MACROD2: variants seen among roughly 807,000 people sequenced by gnomAD.
MACROD2 encodes ADP-ribose glycohydrolase MACROD2.
Under a neutral mutation model 70.4 loss-of-function variants are expected in MACROD2, and 36 were observed. That is an observed-to-expected ratio of 0.51 (90% CI 0.39 to 0.68). The LOEUF is 0.68. MACROD2 is among the 30% of genes least tolerant of loss of function. The pLI is 0.00. For synonymous variants in MACROD2, 172 were observed against 178.8 expected (o/e 0.96, Z 0.30); for missense variants, 496 against 538.4 (o/e 0.92, Z 0.78).
chr20:14,711,977 T>G (rs1478154466), intron 5 of MACROD2, among the ~76,000 whole-genome samples: 1 of 152,142 alleles, frequency 6.6e-6, no homozygotes, highest in African/African-American at 2.4e-5. Flanking sequence ...GAACACTCAC[T>G]TTTTCACATC....
chr20:15,682,233 A>G (rs953311068), intron 8 of MACROD2, among the ~76,000 whole-genome samples: 2 of 152,250 alleles, frequency 1.3e-5, no homozygotes, highest in Non-Finnish European at 2.9e-5. Flanking sequence ...ACGTAAAAGT[A>G]GGAACCCACA....
In MACROD2 at chr20:15,345,824, T is replaced by C. The variant is rs551755970; in HGVS notation, c.541-85581T>C. Among the ~76,000 whole-genome samples, 3 of 152,308 alleles carry C rather than the reference T, an allele frequency of 2.0e-5. No homozygotes were observed. In the East Asian group the frequency reaches 5.8e-4, roughly 29 times the overall value. ...GAGACTGCTGCTTTTGAAAAGTTGC[T>C]GCTCAGAAGACAGTGCAATGGACCA... On this transcript the variant is annotated intron_variant, in intron 6 of 17. Transcript: ENST00000684519.
intron 10 of MACROD2, among the ~76,000 whole-genome samples, chr20:15,925,470 C>T (rs757115422): frequency 3.3e-5 from 5 of 152,030 alleles, no homozygotes; most frequent in East Asian, 3.9e-4. Context: ...ATGGGAGAAC[C>T]GTATGTTATT....
intron 10 of MACROD2, among the ~76,000 whole-genome samples, chr20:15,916,265 G>A (rs560093623): frequency 6.6e-6 from 1 of 152,272 alleles, no homozygotes; most frequent in Admixed American, 6.5e-5. Context: ...CTTGCCATGG[G>A]GGCTCTCTAT....
intron 5 of MACROD2, among the ~76,000 whole-genome samples, chr20:15,056,117 G>A (rs1367148126): frequency 6.6e-6 from 1 of 152,144 alleles, no homozygotes; most frequent in African/African-American, 2.4e-5. Flanking sequence ...CTACTTGACA[G>A]CTGCAAGACA....
Position 15,265,435 on chromosome 20 carries a change from C to A in MACROD2, c.540+35374C>A, listed in dbSNP as rs117694342. ...CACCTCGAATTCAGCCACATGTTTA[C>A]CCATGCTACTCTACCTAACCAATGA... On this transcript the variant is annotated intron_variant, in intron 6 of 17. Coordinates refer to ENST00000684519, the MANE Select transcript of MACROD2 (RefSeq NM_001351661.2). 2.8e-3 allele frequency among the ~76,000 whole-genome samples: 434 copies of A among 152,314 alleles called. 1 individual carries two copies. The highest frequency in any genetic ancestry group is 0.024 in the South Asian group (116 of 4,824).
chr20:15,770,896 C>A (rs144521072), intron 8 of MACROD2, among the ~76,000 whole-genome samples: 2 of 152,128 alleles, frequency 1.3e-5, no homozygotes, highest in African/African-American at 4.8e-5. Context: ...ACCTTCTTCT[C>A]GTGTCCAATC....
At chr20:15,713,924 C>T (rs1446839657) in intron 8 of MACROD2, among the ~76,000 whole-genome samples, 2 of 150,040 alleles carry the variant, frequency 1.3e-5, no homozygotes, top group Non-Finnish European at 1.5e-5. Context: ...AAGATCAAAG[C>T]GGAAGACAAA....
At chr20:14,984,609 A>G (rs2074832271) in intron 5 of MACROD2, among the ~76,000 whole-genome samples, 1 of 152,216 alleles carries the variant, frequency 6.6e-6, no homozygotes, top group Admixed American at 6.5e-5. Flanking sequence ...TGTCAATGGC[A>G]TCTAATAAAT....
intron 8 of MACROD2, among the ~76,000 whole-genome samples, chr20:15,859,743 T>A (rs895384072): frequency 6.8e-6 from 1 of 147,116 alleles, no homozygotes; most frequent in Non-Finnish European, 1.5e-5. Context: ...AGTGTTTCAC[T>A]GTCACCATCC....
chr20:14,910,930 A>C (rs959794830), intron 5 of MACROD2, among the ~76,000 whole-genome samples: 1 of 152,192 alleles, frequency 6.6e-6, no homozygotes, highest in South Asian at 2.1e-4. Flanking sequence ...AATCCAACCC[A>C]GTACACACAT....
At chr20:14,238,553 C>A (rs1396566320) in intron 3 of MACROD2, among the ~76,000 whole-genome samples, 1 of 152,140 alleles carries the variant, frequency 6.6e-6, no homozygotes, top group East Asian at 1.9e-4. Flanking sequence ...GAAGTCCTGG[C>A]CAGAACAGTC....
At chr20:16,048,784 A>G (rs775513324) in intron 17 of MACROD2, among the ~76,000 whole-genome samples, 2 of 150,918 alleles carry the variant, frequency 1.3e-5, no homozygotes, top group Non-Finnish European at 2.9e-5. Context: ...TATCCATCCT[A>G]TGGCCCCACA....
chr20:15,259,696 A>G (rs907447551), intron 6 of MACROD2, among the ~76,000 whole-genome samples: 2 of 152,066 alleles, frequency 1.3e-5, no homozygotes, highest in African/African-American at 2.4e-5. Flanking sequence ...ATTAAAACTG[A>G]GCAGAGCCTC....
At chr20:14,124,186 A>G (rs1009995333) in intron 3 of MACROD2, among the ~76,000 whole-genome samples, 5 of 152,164 alleles carry the variant, frequency 3.3e-5, no homozygotes, top group African/African-American at 1.2e-4. Context: ...AATGTGACCA[A>G]TATATAACAT....
intron 5 of MACROD2, among the ~76,000 whole-genome samples, chr20:15,206,162 G>A (rs927269930): frequency 1.3e-5 from 2 of 151,994 alleles, no homozygotes; most frequent in East Asian, 1.9e-4. Flanking sequence ...TTCAAACTAC[G>A]TGGTTTAGGT....
At chr20:15,126,111 C>CTTTTTTTTTTTTTT (rs5840654) in intron 5 of MACROD2, among the ~76,000 whole-genome samples, 1 of 98,822 alleles carries the variant, frequency 1.0e-5, no homozygotes, top group African/African-American at 4.2e-5. Context: ...ATTGTTTCAA[C>CTTTTTTTTTTTTTT]TTTTTTTTTT....
At chr20:15,063,720 C>T (rs892544915) in intron 5 of MACROD2, among the ~76,000 whole-genome samples, 1 of 152,144 alleles carries the variant, frequency 6.6e-6, no homozygotes, top group Non-Finnish European at 1.5e-5. Flanking sequence ...GAAAATGCTA[C>T]CTGCATGGGT....
chr20:14,140,364 G>GT (rs1230974283), intron 3 of MACROD2, among the ~76,000 whole-genome samples: 2 of 152,182 alleles, frequency 1.3e-5, no homozygotes, highest in African/African-American at 4.8e-5. Flanking sequence ...TGAAGAGGTA[G>GT]TTTTTTCTGT....
Sources: allele counts gnomAD v4.1 joint callset (sites outside exome capture counted in the v4.1 genomes callset), GRCh38; gene constraint gnomAD v4.1.1; transcripts MANE v1.5; gene names NCBI Gene and HGNC (gene_info 2026-07-23, HGNC 2026-07-21).